VSTM4: variants seen among roughly 807,000 people sequenced by gnomAD.
VSTM4 encodes V-set and transmembrane domain-containing protein 4.
Under a neutral mutation model 36.4 loss-of-function variants are expected in VSTM4, and 20 were observed. The observed-to-expected ratio is 0.55, with a 90% CI of 0.39 to 0.80. The LOEUF (loss-of-function observed/expected upper bound fraction) is 0.80, where lower values mean the gene tolerates loss of function less well. Among genes scored for constraint, VSTM4 ranks in the 30% least tolerant of loss-of-function variants. The pLI is 0.00. For synonymous variants in VSTM4, 182 were observed against 173.9 expected (o/e 1.05, Z -0.37); for missense variants, 392 against 404.5 (o/e 0.97, Z 0.26).
At position 49,015,926 on chromosome 10, in the gene VSTM4, A is replaced by C. The variant is rs1000569681; in HGVS notation, c.*3724T>G. ...CTGTTGGTGTCCCTCTCCAAATCTGAGGCCTCCCTTCCTTAGGGAGAGCAT... is the reference window on the plus strand; with the variant it reads ...CTGTTGGTGTCCCTCTCCAAATCTGCGGCCTCCCTTCCTTAGGGAGAGCAT... On this transcript the variant is annotated 3_prime_UTR_variant, in exon 8 of 8. Coordinates refer to ENST00000332853, the MANE Select transcript of VSTM4 (RefSeq NM_001031746.5). 6.6e-6 allele frequency: 1 copy of C among 152,150 alleles called. No homozygotes were observed. The highest frequency in any genetic ancestry group is 1.5e-5 in the Non-Finnish European group (1 of 68,078). The allele number at this position is 152,150 out of a possible 1,614,324, so 9.4% of individuals were successfully genotyped here.
intron 3 of VSTM4, among the ~76,000 whole-genome samples, chr10:49,081,846 A>G (rs2131996672): frequency 6.6e-6 from 1 of 152,252 alleles, no homozygotes; most frequent in East Asian, 1.9e-4. Flanking sequence ...ATCTGTAAAA[A>G]GTGCTGCCTT....
At chr10:49,070,176 C>T (rs1274516282) in intron 4 of VSTM4, among the ~76,000 whole-genome samples, 2 of 70,070 alleles carry the variant, frequency 2.9e-5, no homozygotes, top group South Asian at 3.9e-4. Context: ...TGGCATGAAC[C>T]CGGGAGGCGG....
intron 7 of VSTM4, among the ~76,000 whole-genome samples, chr10:49,028,321 T>G (rs1843293737): frequency 6.6e-6 from 1 of 152,226 alleles, no homozygotes; most frequent in African/African-American, 2.4e-5. Flanking sequence ...AAAGTGAGTC[T>G]GCAGTTTTCA....
At chr10:49,062,546 T>C (rs1843895958) in intron 5 of VSTM4, among the ~76,000 whole-genome samples, 1 of 152,220 alleles carries the variant, frequency 6.6e-6, no homozygotes, top group South Asian at 2.1e-4. Flanking sequence ...TTCAACTTTG[T>C]TTTCTGTTCA....
At chr10:49,023,905 C>T (rs530189390) in intron 7 of VSTM4, among the ~76,000 whole-genome samples, 51 of 152,262 alleles carry the variant, frequency 3.3e-4, no homozygotes, top group African/African-American at 1.2e-3. Context: ...CCATTGAAAG[C>T]CTCAAGGAAA....
intron 3 of VSTM4, among the ~76,000 whole-genome samples, chr10:49,079,217 T>C (rs1844235686): frequency 6.6e-6 from 1 of 151,728 alleles, no homozygotes; most frequent in Non-Finnish European, 1.5e-5. Flanking sequence ...CATACATCTC[T>C]TTTAGAGATA....
chr10:49,067,652 T>A (rs1252732910), intron 4 of VSTM4, among the ~76,000 whole-genome samples: 2 of 152,182 alleles, frequency 1.3e-5, no homozygotes, highest in African/African-American at 2.4e-5. Flanking sequence ...GGGAAATGAA[T>A]CCCGCTGACA....
intron 4 of VSTM4, among the ~76,000 whole-genome samples, chr10:49,066,101 T>C (rs1843968642): frequency 6.6e-6 from 1 of 152,134 alleles, no homozygotes; most frequent in African/African-American, 2.4e-5. Context: ...TTTTAAGGAA[T>C]CACCTTAACA....
intron 1 of VSTM4, among the ~76,000 whole-genome samples, chr10:49,114,388 A>G (rs1401658885): frequency 6.6e-6 from 1 of 152,190 alleles, no homozygotes; most frequent in Non-Finnish European, 1.5e-5. Flanking sequence ...TTTCAAAACA[A>G]TGGCAACACA....
chr10:49,087,205 T>C (rs1348200043), intron 2 of VSTM4, among the ~76,000 whole-genome samples: 1 of 152,220 alleles, frequency 6.6e-6, no homozygotes, highest in African/African-American at 2.4e-5. Flanking sequence ...CATTTATTCT[T>C]TTTATTCAGT....
At chr10:49,077,595 G>A (rs1007398969) in intron 3 of VSTM4, among the ~76,000 whole-genome samples, 1 of 152,062 alleles carries the variant, frequency 6.6e-6, no homozygotes, top group Admixed American at 6.5e-5. Context: ...AATGGTGCTG[G>A]GTCAATGGGA....
chr10:49,109,745 C>T (rs1048161801), intron 1 of VSTM4, among the ~76,000 whole-genome samples: 8 of 152,128 alleles, frequency 5.3e-5, no homozygotes. Context: ...TACAGTGATG[C>T]GGGAGATACT....
chr10:49,088,022 C>CAT (rs1408711999), intron 2 of VSTM4, among the ~76,000 whole-genome samples: 1 of 146,354 alleles, frequency 6.8e-6, no homozygotes, highest in Non-Finnish European at 1.5e-5. Flanking sequence ...TGTATATATA[C>CAT]ATATATATGT....
intron 7 of VSTM4, among the ~76,000 whole-genome samples, chr10:49,030,123 C>A (rs1327457128): frequency 6.6e-6 from 1 of 152,202 alleles, no homozygotes; most frequent in Non-Finnish European, 1.5e-5. Flanking sequence ...TGAAAATATG[C>A]AGCTGAGTAT....
chr10:49,032,904 T>C (rs943513528), intron 7 of VSTM4, among the ~76,000 whole-genome samples: 9 of 150,184 alleles, frequency 6.0e-5, no homozygotes, highest in East Asian at 1.9e-4. Context: ...ATATCTTCCA[T>C]TGGTGAGGGT....
intron 7 of VSTM4, among the ~76,000 whole-genome samples, chr10:49,031,929 C>T (rs1843352055): frequency 6.6e-6 from 1 of 152,096 alleles, no homozygotes; most frequent in African/African-American, 2.4e-5. Flanking sequence ...AGGACCTTTG[C>T]CCAGGCTGTG....
At chr10:49,080,917 G>A (rs1275808272) in intron 3 of VSTM4, among the ~76,000 whole-genome samples, 2 of 152,198 alleles carry the variant, frequency 1.3e-5, no homozygotes, top group Admixed American at 6.5e-5. Context: ...TCTAGTAAAT[G>A]CCTGTGTCTC....
chr10:49,061,115 T>A (rs1256027951), intron 5 of VSTM4, among the ~76,000 whole-genome samples: 1 of 152,208 alleles, frequency 6.6e-6, no homozygotes, highest in Non-Finnish European at 1.5e-5. Context: ...TTTGTTATTT[T>A]TTAAAATGTA....
chr10:49,034,343 C>G (rs1263912693), intron 7 of VSTM4, among the ~76,000 whole-genome samples: 1 of 152,140 alleles, frequency 6.6e-6, no homozygotes, highest in Non-Finnish European at 1.5e-5. Context: ...GCATTAAAAC[C>G]AAATCTAAAA....
Sources: gnomAD v4.1 joint callset for allele counts (sites outside exome capture counted in the v4.1 genomes callset) on GRCh38, gnomAD v4.1.1 for gene constraint, MANE v1.5 for transcripts, NCBI Gene and HGNC (gene_info 2026-07-23, HGNC 2026-07-21) for gene names.